AKAP19: variants seen among roughly 807,000 people sequenced by gnomAD.
AKAP19 encodes small A-kinase anchoring protein.
chr2:190,005,520 C>T, the AKAP19 span, among the ~76,000 whole-genome samples: 1 of 152,250 alleles, frequency 6.6e-6, no homozygotes, highest in Non-Finnish European at 1.5e-5. Context: ...TCTCCTCAGC[C>T]TCATTCCACT....
chr2:190,050,519 T>A, the AKAP19 span, among the ~76,000 whole-genome samples: 2 of 152,158 alleles, frequency 1.3e-5, no homozygotes, highest in African/African-American at 2.4e-5. Context: ...AACATAAAAT[T>A]TAGTGCAGTT....
the AKAP19 span, among the ~76,000 whole-genome samples, chr2:190,028,110 G>A: frequency 4.0e-5 from 6 of 151,782 alleles, no homozygotes; most frequent in African/African-American, 1.5e-4. Flanking sequence ...TTCATTCTTT[G>A]CTTAGCTTTT....
the AKAP19 span, among the ~76,000 whole-genome samples, chr2:189,921,697 A>G: frequency 6.6e-6 from 1 of 152,254 alleles, no homozygotes; most frequent in Non-Finnish European, 1.5e-5. Context: ...CACAATGTAG[A>G]ACAGAGAACA....
chr2:190,028,473 A>G, the AKAP19 span, among the ~76,000 whole-genome samples: 1 of 152,136 alleles, frequency 6.6e-6, no homozygotes, highest in East Asian at 1.9e-4. Flanking sequence ...TCATGAAAAA[A>G]TTCACTGAAT....
the AKAP19 span, among the ~76,000 whole-genome samples, chr2:189,954,534 T>C: frequency 6.6e-6 from 1 of 152,240 alleles, no homozygotes; most frequent in Non-Finnish European, 1.5e-5. Context: ...TATATCCTAC[T>C]GCTCAAGGTC....
At chr2:189,985,228 G>A in the AKAP19 span, among the ~76,000 whole-genome samples, 1 of 152,186 alleles carries the variant, frequency 6.6e-6, no homozygotes, top group Admixed American at 6.5e-5. Context: ...ACAGATCCTG[G>A]TTCTGTTCCC....
At chr2:190,065,571 A>G in the AKAP19 span, among the ~76,000 whole-genome samples, 1 of 152,192 alleles carries the variant, frequency 6.6e-6, no homozygotes, top group African/African-American at 2.4e-5. Flanking sequence ...GCTGGCTGTG[A>G]GTTCAGTGTT....
chr2:189,974,902 A>G, the AKAP19 span, among the ~76,000 whole-genome samples: 1 of 152,170 alleles, frequency 6.6e-6, no homozygotes, highest in Non-Finnish European at 1.5e-5. Flanking sequence ...TCTCCTGAAT[A>G]CAGCACACTG....
chr2:190,003,277 CTCA>C, the AKAP19 span, among the ~76,000 whole-genome samples: 2 of 151,686 alleles, frequency 1.3e-5, no homozygotes, highest in African/African-American at 2.4e-5. Flanking sequence ...TAATTTTTAC[CTCA>C]TATTTTTCCA....
At chr2:190,133,834 G>T in the AKAP19 span, among the ~76,000 whole-genome samples, 2 of 152,138 alleles carry the variant, frequency 1.3e-5, no homozygotes, top group African/African-American at 4.8e-5. Flanking sequence ...CTGGGTCTGG[G>T]GTTGTAGAAA....
At chr2:190,028,002 CT>C in the AKAP19 span, among the ~76,000 whole-genome samples, 5 of 151,878 alleles carry the variant, frequency 3.3e-5, no homozygotes, top group Non-Finnish European at 5.9e-5. Flanking sequence ...TCTTAACTGC[CT>C]TTTTTTAGTA....
chr2:190,150,515 AG>A, the AKAP19 span: 1 of 152,234 alleles, frequency 6.6e-6, no homozygotes, highest in African/African-American at 2.4e-5. Context: ...TTGGGAAAGG[AG>A]GGTCTCCCTT....
At chr2:189,990,977 A>G in the AKAP19 span, among the ~76,000 whole-genome samples, 1 of 152,294 alleles carries the variant, frequency 6.6e-6, no homozygotes, top group East Asian at 1.9e-4. Context: ...TACTTCACTT[A>G]GAATAATGGT....
At chr2:189,933,767 AT>A in the AKAP19 span, among the ~76,000 whole-genome samples, 24 of 152,166 alleles carry the variant, frequency 1.6e-4, no homozygotes, top group South Asian at 3.1e-3. Flanking sequence ...TGCTTATCTG[AT>A]TTTTTAAAAA....
the AKAP19 span, among the ~76,000 whole-genome samples, chr2:189,946,839 G>C: frequency 6.6e-6 from 1 of 152,136 alleles, no homozygotes; most frequent in Non-Finnish European, 1.5e-5. Flanking sequence ...TTACATAAGA[G>C]TAGTAATCAG....
chr2:190,170,675 G>A, the AKAP19 span, among the ~76,000 whole-genome samples: 11 of 152,052 alleles, frequency 7.2e-5, no homozygotes, highest in Admixed American at 2.0e-4. Flanking sequence ...GATATTAACC[G>A]TAGAAATTCC....
At chr2:190,177,269 G>A in the AKAP19 span, among the ~76,000 whole-genome samples, 1 of 152,174 alleles carries the variant, frequency 6.6e-6, no homozygotes, top group East Asian at 1.9e-4. The surrounding 1 kb of genome is among the most constrained non-coding windows in gnomAD (Gnocchi z 4.6). Context: ...TGGGGAGTTA[G>A]TGTCATTTTC....
At chr2:189,889,457 A>G in the AKAP19 span, among the ~76,000 whole-genome samples, 2 of 152,168 alleles carry the variant, frequency 1.3e-5, no homozygotes, top group East Asian at 3.9e-4. Context: ...TGACTTAAGG[A>G]GGATTCCCTC....
At chr2:189,944,278 A>G in the AKAP19 span, among the ~76,000 whole-genome samples, 1 of 152,096 alleles carries the variant, frequency 6.6e-6, no homozygotes, top group Admixed American at 6.5e-5. Context: ...GTGAGCTCTC[A>G]TGAGATCTAG....
Sources: gnomAD v4.1 joint callset for allele counts (sites outside exome capture counted in the v4.1 genomes callset) on GRCh38, gnomAD v4.1.1 for gene constraint, Gnocchi (gnomAD v3.1) non-coding constraint, MANE v1.5 for transcripts, NCBI Gene and HGNC (gene_info 2026-07-23, HGNC 2026-07-21) for gene names.